The following MRC1 variants were observed in gnomAD, a reference collection of about 807,000 sequenced individuals.
MRC1 encodes macrophage mannose receptor 1.
A neutral mutation model predicts 102.9 loss-of-function variants in MRC1; 62 were observed. That is an observed-to-expected ratio of 0.60 (90% CI 0.49 to 0.74). The LOEUF is 0.74. Among genes scored for constraint, MRC1 ranks in the 30% least tolerant of loss-of-function variants. MRC1 has a pLI of 0.00. For missense variants in MRC1, 1,237 were observed against 862.8 expected (o/e 1.43, Z -5.43); for synonymous variants, 457 against 298.4 (o/e 1.53, Z -5.48).
chr10:17,832,876 G>T (rs1434928127), intron 3 of MRC1, among the ~76,000 whole-genome samples: 7 of 152,022 alleles, frequency 4.6e-5, no homozygotes, highest in African/African-American at 2.4e-5. Flanking sequence ...GGCGTGAGCC[G>T]CTGTGCCCGG....
intron 12 of MRC1, among the ~76,000 whole-genome samples, chr10:17,869,811 A>G (rs35154021): frequency 0.025 from 3,735 of 152,286 alleles, 155 homozygotes; most frequent in East Asian, 0.22. Context: ...ACACTAACAA[A>G]CTGTGCACAA....
At chr10:17,875,002 C>G in intron 16 of MRC1, 88 bp from the exon 17 acceptor site, 1 of 777,834 alleles carries the variant, frequency 1.3e-6, no homozygotes, top group South Asian at 1.4e-5. Flanking sequence ...TATAGCAGCT[C>G]TATCCCTTTC....
rs1034583371 is a variant in MRC1, at chr10:17,852,638, G to A, written c.1250-329G>A. ...TGCAACAATAAAAGCAGCTTCATAA[G>A]ATAGAGCATAGTAATAGACCTACCT... On this transcript the variant is annotated intron_variant, in intron 7 of 29. Coordinates refer to ENST00000569591, the MANE Select transcript of MRC1 (RefSeq NM_002438.4). Among the ~76,000 whole-genome samples, 949 of 152,302 alleles carry A rather than the reference G, an allele frequency of 6.2e-3. 22 individuals carry two copies. Among genetic ancestry groups the A allele is most frequent in the Admixed American group, 0.055 (845 of 15,294 alleles).
rs1241761178 is a variant in MRC1 at position 17,858,259 on chromosome 10, T to C, written c.1518+1907T>C. Reference sequence around the variant, plus strand: ...TTATATATTATTTTATTATACTTTCTCGTGGCCTTATTTTTGGTACTGGAA... The same window carrying C: ...TTATATATTATTTTATTATACTTTCCCGTGGCCTTATTTTTGGTACTGGAA... On this transcript the variant is annotated intron_variant, in intron 9 of 29. Transcript: ENST00000569591. Among the ~76,000 whole-genome samples the C allele has an allele frequency of 2.6e-5, 4 of 152,292 alleles. No individual in the cohort carries two copies. The East Asian group carries it at 7.7e-4, about 29-fold the overall frequency.
At chr10:17,872,573 C>G (rs998330588) in intron 15 of MRC1, among the ~76,000 whole-genome samples, 1 of 152,208 alleles carries the variant, frequency 6.6e-6, no homozygotes, top group Non-Finnish European at 1.5e-5. Flanking sequence ...ACACAGTGAA[C>G]AATCACCCTG....
chr10:17,853,071 G>C lies in MRC1; in HGVS notation c.1354G>C (p.Glu452Gln). 3.8e-6 allele frequency: 3 copies of C among 780,810 alleles called. No homozygotes were observed. The highest frequency in any genetic ancestry group is 7.2e-6 in the Non-Finnish European group (3 of 417,948). 48.4% of individuals were successfully genotyped at this position (780,810 alleles called of 1,614,324 possible). Reference protein sequence around the residue: ...PVTFTKWLRGEPSHENNRQED... With the variant: ...PVTFTKWLRGQPSHENNRQED... ...AACGTTTACCAAATGGCTTCGTGGA[G>C]AACCAAGCCATGAAAACAACAGACA... is the stretch of plus-strand genomic sequence containing the variant. Residue 452 changes from glutamate to glutamine, a missense_variant, in exon 8 of 30, where the codon GAA becomes CAA. Transcript: ENST00000569591.
At chr10:17,890,251 C>G (rs1833654115) in intron 22 of MRC1, among the ~76,000 whole-genome samples, 1 of 151,514 alleles carries the variant, frequency 6.6e-6, no homozygotes, top group Non-Finnish European at 1.5e-5. Context: ...TCAAGATTTT[C>G]TCTTCATCTT....
At chr10:17,875,276 A>T in intron 17 of MRC1, 23 bp downstream of exon 17, 1 of 778,684 alleles carries the variant, frequency 1.3e-6, no homozygotes, top group Non-Finnish European at 2.4e-6. Flanking sequence ...ATCATTTTTT[A>T]AAATTTTAAT....
chr10:17,878,586 G>C (rs1185560140), intron 18 of MRC1, among the ~76,000 whole-genome samples: 2 of 152,114 alleles, frequency 1.3e-5, no homozygotes, highest in African/African-American at 4.8e-5. Flanking sequence ...CTCATGTGCA[G>C]ATTTTTTTAG....
intron 4 of MRC1, among the ~76,000 whole-genome samples, chr10:17,839,446 A>G (rs1019348886): frequency 6.0e-5 from 9 of 148,862 alleles, no homozygotes; most frequent in African/African-American, 2.2e-4. Context: ...ACGTCTGTGC[A>G]AGTAGAAAGA....
intron 29 of MRC1, among the ~76,000 whole-genome samples, chr10:17,909,831 G>A (rs978732639): frequency 2.6e-5 from 4 of 151,188 alleles, no homozygotes; most frequent in Non-Finnish European, 5.9e-5. Context: ...ATGAGTTCAC[G>A]TTTCCACTAT....
Position 17,910,566 on chromosome 10 carries a change from A to G in MRC1, c.*101A>G, listed in dbSNP as rs1833955760. The G allele has an allele frequency of 1.3e-6, 1 of 774,282 alleles. No individual in the cohort carries two copies. The highest frequency in any genetic ancestry group is 2.6e-4 in the Middle Eastern group (1 of 3,846). The allele number at this position is 774,282 out of a possible 1,614,324, so 48.0% of individuals were successfully genotyped here. On this transcript the variant is annotated 3_prime_UTR_variant, in exon 30 of 30. Transcript: ENST00000569591. ...TTGTTTTCTTTAAAATGAGTACTGAATTGTACTGGTCTGTCCTTTTTTCCT... is the reference window on the plus strand; with the variant it reads ...TTGTTTTCTTTAAAATGAGTACTGAGTTGTACTGGTCTGTCCTTTTTTCCT...
At chr10:17,878,451 C>A (rs1046516384) in intron 18 of MRC1, among the ~76,000 whole-genome samples, 2 of 152,042 alleles carry the variant, frequency 1.3e-5, no homozygotes, top group African/African-American at 4.8e-5. Flanking sequence ...GTACCATTTT[C>A]TATTAGATAT....
intron 6 of MRC1, 64 bp downstream of exon 6, chr10:17,845,499 G>T: frequency 1.3e-6 from 1 of 776,776 alleles, no homozygotes; most frequent in South Asian, 1.3e-5. Context: ...TAACATTACA[G>T]CTTAGGTGTA....
At chr10:17,870,015 C>T (rs948526666) in intron 12 of MRC1, among the ~76,000 whole-genome samples, 9 of 152,098 alleles carry the variant, frequency 5.9e-5, no homozygotes, top group Non-Finnish European at 1.3e-4. Context: ...TTCTCTTGTG[C>T]TATAAAATAA....
intron 21 of MRC1, among the ~76,000 whole-genome samples, chr10:17,884,326 A>G (rs1833559815): frequency 6.6e-6 from 1 of 152,140 alleles, no homozygotes; most frequent in Non-Finnish European, 1.5e-5. Flanking sequence ...CACTGAGTAT[A>G]TGGGCAACTG....
Position 17,880,577 on chromosome 10 carries a change from A to G in MRC1, c.2772A>G (p.Arg924=). Residue 924 remains arginine (R), a synonymous_variant, in exon 20 of 30, where the codon CGA becomes CGG. Transcript: ENST00000569591. ...ATCCAAACGCCTTCATTTGCCAGCG[A>G]CATAACAGTAGTATCAATGCTACCA... ...CGYPNAFICQ[R]HNSSINATTV... 1.3e-6 allele frequency: 1 copy of G among 780,856 alleles called. No homozygotes were observed. Among genetic ancestry groups the G allele is most frequent in the Non-Finnish European group, 2.4e-6 (1 of 417,964 alleles). The allele number at this position is 780,856 out of a possible 1,614,324, so 48.4% of individuals were successfully genotyped here.
intron 1 of MRC1, among the ~76,000 whole-genome samples, chr10:17,813,271 G>A (rs1372258364): frequency 2.0e-5 from 3 of 152,212 alleles, no homozygotes; most frequent in South Asian, 4.2e-4. Context: ...TGCCATTTGC[G>A]GGTCTCACAT....
rs782092803 is a variant in MRC1 at position 17,833,765 on chromosome 10, C to T, written c.728C>T (p.Ala243Val). ...NSKSALTWHQ[A>V]RKSCQQQNAE... Reference sequence around the variant, plus strand: ...AAATCCGCTTTAACGTGGCACCAGGCGAGGAAAAGCTGCCAACAACAGAAC... The same window carrying T: ...AAATCCGCTTTAACGTGGCACCAGGTGAGGAAAAGCTGCCAACAACAGAAC... Residue 243 changes from alanine to valine, a missense_variant, in exon 4 of 30, where the codon GCG (alanine) becomes GTG (valine). Coordinates refer to ENST00000569591, the MANE Select transcript of MRC1 (RefSeq NM_002438.4). 10 of 780,868 alleles carry T rather than the reference C, an allele frequency of 1.3e-5. No homozygotes were observed. Among genetic ancestry groups the T allele is most frequent in the African/African-American group, 8.5e-5 (5 of 59,106 alleles). The allele number at this position is 780,868 out of a possible 1,614,324, so 48.4% of individuals were successfully genotyped here. A position where few individuals can be genotyped will look rare whatever the true frequency, so the allele number is the denominator to read the frequency against.
Sources: allele counts gnomAD v4.1 joint callset (sites outside exome capture counted in the v4.1 genomes callset), GRCh38; gene constraint gnomAD v4.1.1; transcripts MANE v1.5; gene names NCBI Gene and HGNC (gene_info 2026-07-23, HGNC 2026-07-21).